Variants in GABRG1 observed in about 807,000 individuals in gnomAD.
The protein encoded by GABRG1 is gamma-aminobutyric acid type A receptor subunit gamma1.
In GABRG1, 49 loss-of-function variants were observed where a neutral mutation model predicts 49.8. The ratio of observed to expected loss-of-function variants is 0.98; its 90% confidence interval spans 0.78 to 1.25. GABRG1 has a LOEUF of 1.25. Among genes scored for constraint, GABRG1 ranks in the 50% most tolerant of loss-of-function variants. GABRG1 has a pLI of 0.00. For synonymous variants in GABRG1, 232 were observed against 185.1 expected (o/e 1.25, Z -2.06); for missense variants, 552 against 552.3 (o/e 1.00, Z 0.01).
chr4:46,045,391 T>C (rs1215195032), intron 8 of GABRG1, among the ~76,000 whole-genome samples: 1 of 151,972 alleles, frequency 6.6e-6, no homozygotes, highest in Non-Finnish European at 1.5e-5. Flanking sequence ...CTGGAATATA[T>C]GCTGAACCTA....
chr4:46,059,990 G>A (rs569203070), intron 5 of GABRG1, among the ~76,000 whole-genome samples: 2 of 151,754 alleles, frequency 1.3e-5, no homozygotes, highest in Non-Finnish European at 2.9e-5. Flanking sequence ...ATGTATTCTA[G>A]ATACTAGTCC....
At chr4:46,050,189 A>G (rs901198714) in intron 8 of GABRG1, among the ~76,000 whole-genome samples, 1 of 151,942 alleles carries the variant, frequency 6.6e-6, no homozygotes, top group Non-Finnish European at 1.5e-5. Context: ...TATATCCTAT[A>G]GATAAGCAAA....
chr4:46,068,904 G>A (rs1719014943), intron 3 of GABRG1, among the ~76,000 whole-genome samples: 1 of 152,038 alleles, frequency 6.6e-6, no homozygotes. Flanking sequence ...TTTGAGATAA[G>A]GAACAGTGCA....
chr4:46,051,586 A>T lies in GABRG1; in HGVS notation c.969T>A (p.Ser323=). ...MTTLSTIARK[S]LPKVSYVTAM... ...CAGTCACATAAGAAACCTTAGGTAA[A>T]GACTTCCTGGCAATTGTACTCAGGG... is the stretch of plus-strand genomic sequence containing the variant. The change falls in exon 8 of 9, where the codon TCT becomes TCA. Residue 323 remains serine (S), a synonymous_variant. Transcript: ENST00000295452. 6.2e-7 allele frequency: 1 copy of T among 1,611,516 alleles called. No individual in the cohort carries two copies. The highest frequency in any genetic ancestry group is 1.7e-5 in the Admixed American group (1 of 59,730).
At position 46,117,769 on chromosome 4, in the gene GABRG1, CATATAT is replaced by C. The variant is rs1162069689; in HGVS notation, c.104+6035_104+6040del. Among the ~76,000 whole-genome samples the C allele has an allele frequency of 1.8e-3, 250 of 139,096 alleles. 1 individual carries two copies. Among genetic ancestry groups the C allele is most frequent in the African/African-American group, 6.3e-3 (234 of 36,966 alleles). 91.3% of individuals were successfully genotyped at this position (139,096 alleles called of 152,430 possible). A position where few individuals can be genotyped will look rare whatever the true frequency, so the allele number is the denominator to read the frequency against. Reference sequence around the variant, plus strand: ...ATATACATACATGTATATACATATACATATATACATACATGTATATACATATATACA... The same window carrying C: ...ATATACATACATGTATATACATATACACATACATGTATATACATATATACA... On this transcript the variant is annotated intron_variant, in intron 1 of 8. Transcript: ENST00000295452.
chr4:46,096,157 G>A (rs1282038197), intron 2 of GABRG1, among the ~76,000 whole-genome samples: 1 of 151,532 alleles, frequency 6.6e-6, no homozygotes, highest in Non-Finnish European at 1.5e-5. Context: ...TGGGAAAATG[G>A]TGTTAAACAA....
Position 46,118,096 on chromosome 4 carries a change from A to G in GABRG1, c.104+5714T>C, listed in dbSNP as rs1351672937. On this transcript the variant is annotated intron_variant, in intron 1 of 8. Transcript: ENST00000295452. ...TGTGTATATATATACATATGTATAC[A>G]TATGTGTGTATATATACATATATAC... is the stretch of plus-strand genomic sequence containing the variant. 4.3e-5 allele frequency among the ~76,000 whole-genome samples: 6 copies of G among 140,334 alleles called. 1 individual carries two copies. Among genetic ancestry groups the G allele is most frequent in the African/African-American group, 1.1e-4 (4 of 34,980 alleles). 92.1% of individuals were successfully genotyped at this position (140,334 alleles called of 152,430 possible).
intron 3 of GABRG1, among the ~76,000 whole-genome samples, chr4:46,073,528 T>G (rs1719217312): frequency 6.6e-6 from 1 of 152,086 alleles, no homozygotes; most frequent in Admixed American, 6.6e-5. Flanking sequence ...CATTTGTATC[T>G]ATGTTATCAC....
intron 3 of GABRG1, among the ~76,000 whole-genome samples, chr4:46,069,632 C>A (rs564471655): frequency 1.3e-5 from 2 of 152,208 alleles, no homozygotes; most frequent in East Asian, 1.9e-4. Context: ...CAGCTACTAA[C>A]CCTTTGTGCT....
At chr4:46,120,806 G>T (rs1721070610) in intron 1 of GABRG1, among the ~76,000 whole-genome samples, 1 of 151,846 alleles carries the variant, frequency 6.6e-6, no homozygotes, top group East Asian at 1.9e-4. Flanking sequence ...TCTGAAAAAA[G>T]AAAATTGTGA....
rs895344582 is a variant in GABRG1 at position 46,038,861 on chromosome 4, T to C, written c.*2127A>G. The C allele has an allele frequency of 5.9e-5, 9 of 151,718 alleles. No homozygotes were observed. The highest frequency in any genetic ancestry group is 1.5e-5 in the Non-Finnish European group (1 of 67,748). The allele number at this position is 151,718 out of a possible 1,614,324, so 9.4% of individuals were successfully genotyped here. ...ATTTTATTTCCACTTGTAAATATTG[T>C]CAACATTTAAAACCAAGTTAATGAA... On this transcript the variant is annotated 3_prime_UTR_variant, in exon 9 of 9. Transcript: ENST00000295452.
chr4:46,078,527 C>T (rs1719443953), intron 3 of GABRG1, among the ~76,000 whole-genome samples: 1 of 151,834 alleles, frequency 6.6e-6, no homozygotes, highest in Non-Finnish European at 1.5e-5. Flanking sequence ...AGAGATCAGC[C>T]TATGGAATGC....
At chr4:46,049,185 A>G (rs1336105847) in intron 8 of GABRG1, among the ~76,000 whole-genome samples, 1 of 151,912 alleles carries the variant, frequency 6.6e-6, no homozygotes, top group Non-Finnish European at 1.5e-5. Context: ...TACAGGCTTA[A>G]TGGCAAGATG....
chr4:46,044,256 T>C (rs1355114684), intron 8 of GABRG1, among the ~76,000 whole-genome samples: 1 of 152,084 alleles, frequency 6.6e-6, no homozygotes, highest in Non-Finnish European at 1.5e-5. Context: ...GCAGATTTCT[T>C]GAGCCCAGGA....
At chr4:46,087,645 T>G (rs1719828945) in intron 2 of GABRG1, among the ~76,000 whole-genome samples, 1 of 151,806 alleles carries the variant, frequency 6.6e-6, no homozygotes, top group Admixed American at 6.6e-5. Flanking sequence ...ATGGTAGAGC[T>G]TATAAACATG....
At chr4:46,082,864 C>G (rs1248568795) in intron 3 of GABRG1, among the ~76,000 whole-genome samples, 1 of 151,804 alleles carries the variant, frequency 6.6e-6, no homozygotes, top group Non-Finnish European at 1.5e-5. Flanking sequence ...ATTACACCAT[C>G]TGGTCCTCAG....
At chr4:46,076,125 G>A (rs539462561) in intron 3 of GABRG1, among the ~76,000 whole-genome samples, 1 of 151,672 alleles carries the variant, frequency 6.6e-6, no homozygotes, top group East Asian at 2.0e-4. Flanking sequence ...CTACAGATGA[G>A]AAAAATTGTC....
intron 3 of GABRG1, among the ~76,000 whole-genome samples, chr4:46,067,795 G>A (rs1202406617): frequency 6.6e-6 from 1 of 152,066 alleles, no homozygotes; most frequent in Non-Finnish European, 1.5e-5. Context: ...ATAGTAATTC[G>A]TATTTACGCT....
At chr4:46,062,211 A>C (rs1277164504) in intron 5 of GABRG1, among the ~76,000 whole-genome samples, 1 of 151,824 alleles carries the variant, frequency 6.6e-6, no homozygotes, top group Non-Finnish European at 1.5e-5. Flanking sequence ...TGAACTCAAC[A>C]TTTTTATGGC....
Sources: allele counts gnomAD v4.1 joint callset (sites outside exome capture counted in the v4.1 genomes callset), GRCh38; gene constraint gnomAD v4.1.1; transcripts MANE v1.5; gene names NCBI Gene and HGNC (gene_info 2026-07-23, HGNC 2026-07-21).